Variants in DNAH5 observed in about 807,000 individuals in gnomAD.
DNAH5 encodes the protein dynein axonemal heavy chain 5.
A neutral mutation model predicts 518.2 loss-of-function variants in DNAH5; 372 were observed. That is an observed-to-expected ratio of 0.72 (90% CI 0.66 to 0.78). The LOEUF (loss-of-function observed/expected upper bound fraction) is 0.78, where lower values mean the gene tolerates loss of function less well. Ranked by LOEUF, DNAH5 falls within the 30% of genes least tolerant of loss-of-function variation. The pLI is 0.00. For missense variants in DNAH5, 5,523 were observed against 5,687.0 expected (o/e 0.97, Z 0.93); for synonymous variants, 2,039 against 2,025.9 (o/e 1.01, Z -0.17).
rs1772219649 is a variant in DNAH5 at position 13,885,126 on chromosome 5, TCA to T, written c.2844_2845del (p.Glu949AspfsTer43). The T allele has an allele frequency of 2.5e-6, 4 of 1,614,082 alleles. No homozygotes were observed. Among genetic ancestry groups the T allele is most frequent in the African/African-American group, 1.3e-5 (1 of 74,930 alleles). ...CTCGCGGGCTTCTTCCCCTAACATC[TCA>T]GTTTCTTTCTTTTTCCTCGTGACTG... On this transcript the variant is annotated frameshift_variant, in exon 19 of 79. Transcript: ENST00000265104. LOFTEE classifies it high-confidence loss of function.
rs1752929087 is a variant in DNAH5, at chr5:13,769,124, CTTCTT to C, written c.9728_9732del (p.Lys3243SerfsTer9). Reference sequence around the variant, plus strand: ...TCAGCAGCCTGTGCTTTCATTGTCACTTCTTTTAAGACCTAATTCAATATAAAGCA... The same window carrying C: ...TCAGCAGCCTGTGCTTTCATTGTCACTTAAGACCTAATTCAATATAAAGCA... On this transcript the variant is annotated frameshift_variant, in exon 58 of 79. Transcript: ENST00000265104. LOFTEE classifies it high-confidence loss of function. The C allele has an allele frequency of 6.2e-7, 1 of 1,614,100 alleles. No homozygotes were observed. Among genetic ancestry groups the C allele is most frequent in the Non-Finnish European group, 8.5e-7 (1 of 1,180,012 alleles).
Position 13,824,117 on chromosome 5 carries a change from T to C in DNAH5, c.6579+82A>G. The C allele has an allele frequency of 2.2e-6, 3 of 1,358,916 alleles. No individual in the cohort carries two copies. In the Admixed American group the frequency reaches 5.0e-5, roughly 23 times the overall value. 84.2% of individuals were successfully genotyped at this position (1,358,916 alleles called of 1,614,324 possible). On this transcript the variant is annotated intron_variant, in intron 39 of 78. Transcript: ENST00000265104. ...AGGCATTTTAAATGAGCATTTTAAA[T>C]AAATATTTTGAAGTCTCATGTATGG...
In DNAH5 at chr5:13,780,966, T is replaced by C. The variant is rs776228125; in HGVS notation, c.8821-7A>G. On this transcript the variant is annotated splice_region_variant and splice_polypyrimidine_tract_variant and intron_variant, in intron 52 of 78. Coordinates refer to ENST00000265104, the MANE Select transcript of DNAH5 (RefSeq NM_001369.3). ...TACGAATGACACGAGAGATCTGTAA[T>C]ATGGAACAGAAAAAGTATGTATCTT... 82 of 1,613,312 alleles carry C rather than the reference T, an allele frequency of 5.1e-5. No individual in the cohort carries two copies. The highest frequency in any genetic ancestry group is 1.6e-4 in the Middle Eastern group (1 of 6,074).
chr5:13,758,717 C>T, intron 61 of DNAH5, 129 bp downstream of exon 61: 3 of 1,341,866 alleles, frequency 2.2e-6, no homozygotes, highest in Non-Finnish European at 3.2e-6. Context: ...CATCAAAGAC[C>T]CTTGGTGTCC....
In DNAH5 at chr5:13,913,725, A is replaced by T. The variant is rs1776301003; in HGVS notation, c.1536+18T>A. The stretch of plus-strand genomic sequence containing the variant: ...AGTTGTGGATTATGTTATAAAATAT[A>T]GCTTTAAAGTACAATACCTGGTATT... On this transcript the variant is annotated intron_variant, in intron 11 of 78. Transcript: ENST00000265104. The T allele has an allele frequency of 6.2e-7, 1 of 1,612,608 alleles. No homozygotes were observed. The highest frequency in any genetic ancestry group is 1.3e-5 in the African/African-American group (1 of 74,902).
intron 47 of DNAH5, among the ~76,000 whole-genome samples, chr5:13,799,163 A>G (rs1758329135): frequency 1.3e-5 from 2 of 152,042 alleles, no homozygotes; most frequent in Admixed American, 1.3e-4. Context: ...CAATTACAAA[A>G]CAAATCTCCC....
At chr5:13,728,033 A>T (rs1745984589) in intron 69 of DNAH5, among the ~76,000 whole-genome samples, 1 of 152,194 alleles carries the variant, frequency 6.6e-6, no homozygotes, top group Non-Finnish European at 1.5e-5. Flanking sequence ...ACCAAATCTC[A>T]TTCACTTATG....
intron 12 of DNAH5, among the ~76,000 whole-genome samples, chr5:13,909,841 C>A (rs1286963430): frequency 6.6e-6 from 1 of 152,192 alleles, no homozygotes; most frequent in African/African-American, 2.4e-5. Context: ...GTATTCATAA[C>A]CTACAGCATA....
At chr5:13,884,916 A>ACACGTG (rs1772182587) in intron 19 of DNAH5, 73 bp downstream of exon 19, 8 of 156,308 alleles carry the variant, frequency 5.1e-5, no homozygotes, top group Admixed American at 1.6e-4. Context: ...GCACACGTGC[A>ACACGTG]CACACACACA....
chr5:13,804,692 T>C (rs528961879), intron 47 of DNAH5, among the ~76,000 whole-genome samples: 2 of 152,358 alleles, frequency 1.3e-5, no homozygotes, highest in African/African-American at 2.4e-5. Context: ...TAACTCCACC[T>C]TAACACTGAA....
At chr5:13,943,464 T>A (rs1779647896) in intron 1 of DNAH5, among the ~76,000 whole-genome samples, 1 of 152,106 alleles carries the variant, frequency 6.6e-6, no homozygotes. Flanking sequence ...TCAGAGGAGG[T>A]AACACTAGCA....
intron 52 of DNAH5, among the ~76,000 whole-genome samples, chr5:13,785,069 C>T (rs573148927): frequency 6.6e-6 from 1 of 152,138 alleles, no homozygotes; most frequent in Admixed American, 6.5e-5. Context: ...TTGTAATATA[C>T]TATGAAATAA....
chr5:13,969,420 G>A (rs1781737205), intron 1 of DNAH5, among the ~76,000 whole-genome samples: 1 of 151,966 alleles, frequency 6.6e-6, no homozygotes, highest in Non-Finnish European at 1.5e-5. Flanking sequence ...TTATCTATTT[G>A]TGCTCTCTCA....
intron 1 of DNAH5, among the ~76,000 whole-genome samples, chr5:13,952,734 C>T (rs1360374348): frequency 6.6e-6 from 1 of 152,218 alleles, no homozygotes; most frequent in East Asian, 1.9e-4. Context: ...ACAATATTTA[C>T]ATTGCCAAGG....
intron 1 of DNAH5, among the ~76,000 whole-genome samples, chr5:14,006,063 C>CCCA (rs5866081): frequency 2.7e-5 from 4 of 149,438 alleles, no homozygotes; most frequent in Admixed American, 1.3e-4. Context: ...TTTCTCCCAC[C>CCCA]CAACACCTCC....
intron 1 of DNAH5, among the ~76,000 whole-genome samples, chr5:13,940,666 T>A (rs890937305): frequency 6.6e-6 from 1 of 152,152 alleles, no homozygotes; most frequent in African/African-American, 2.4e-5. Context: ...CAGCCTGACA[T>A]CACTGTTCTC....
At chr5:13,857,099 A>G (rs1400947259) in intron 30 of DNAH5, among the ~76,000 whole-genome samples, 2 of 152,228 alleles carry the variant, frequency 1.3e-5, no homozygotes, top group Non-Finnish European at 2.9e-5. Flanking sequence ...ACATGATTGT[A>G]TATCTAGAAA....
chr5:13,809,359 T>TC (rs1438064434), intron 45 of DNAH5, among the ~76,000 whole-genome samples, 173 bp from the exon 46 acceptor site: 2 of 152,072 alleles, frequency 1.3e-5, no homozygotes, highest in Non-Finnish European at 2.9e-5. Flanking sequence ...AGTCAAAACG[T>TC]CCCAAGGAAC....
At chr5:13,834,160 C>T (rs1214873879) in intron 35 of DNAH5, among the ~76,000 whole-genome samples, 1 of 152,120 alleles carries the variant, frequency 6.6e-6, no homozygotes, top group East Asian at 1.9e-4. Flanking sequence ...TTAGGGTAAA[C>T]AGACAAACTT....
Sources: gnomAD v4.1 joint callset for allele counts (sites outside exome capture counted in the v4.1 genomes callset) on GRCh38, gnomAD v4.1.1 for gene constraint, MANE v1.5 for transcripts, NCBI Gene and HGNC (gene_info 2026-07-23, HGNC 2026-07-21) for gene names.